Variants in CHST9 observed in about 807,000 individuals in gnomAD.
CHST9 encodes carbohydrate sulfotransferase 9, also known as GalNAc-4-sulfotransferase 2.
In CHST9, 41 loss-of-function variants were observed where a neutral mutation model predicts 44.4. The observed-to-expected ratio is 0.92, with a 90% CI of 0.72 to 1.20. The LOEUF (loss-of-function observed/expected upper bound fraction) is 1.20, where lower values mean the gene tolerates loss of function less well. Ranked by LOEUF, CHST9 falls within the 50% of genes most tolerant of loss-of-function variation. CHST9 has a pLI of 0.00. For synonymous variants in CHST9, 171 were observed against 178.4 expected, an observed-to-expected ratio of 0.96 and a Z score of 0.33; for missense variants, 504 against 516.5, an observed-to-expected ratio of 0.98 and a Z score of 0.23.
chr18:27,155,003 GC>G (rs1466072989), intron 1 of CHST9, among the ~76,000 whole-genome samples: 1 of 150,990 alleles, frequency 6.6e-6, no homozygotes. Context: ...AATCCCTTGA[GC>G]CTGGGAGGTG....
chr18:26,990,862 C>T (rs2056808207), intron 4 of CHST9, among the ~76,000 whole-genome samples: 1 of 152,144 alleles, frequency 6.6e-6, no homozygotes. Context: ...TTTATTCTTC[C>T]CTTCCCTTCC....
chr18:27,174,735 C>G lies in CHST9; in HGVS notation c.-97+10401G>C, dbSNP rs150518496. Among the ~76,000 whole-genome samples, 118 of 152,150 alleles carry G rather than the reference C, an allele frequency of 7.8e-4. No homozygotes were observed. In the East Asian group the frequency reaches 0.017, roughly 22 times the overall value. On this transcript the variant is annotated intron_variant, in intron 1 of 5. Transcript: ENST00000618847. ...CAGCCTTTCCTTCTCTCCACCCAAT[C>G]TGTGCATTCACACACTCTGGGTTCA...
At chr18:26,927,168 G>T (rs1272301118) in intron 5 of CHST9, among the ~76,000 whole-genome samples, 3 of 152,160 alleles carry the variant, frequency 2.0e-5, no homozygotes, top group Admixed American at 2.0e-4. Context: ...CTGGAATGTG[G>T]TGAAGAGGAA....
At chr18:27,159,568 C>A (rs1169803594) in intron 1 of CHST9, among the ~76,000 whole-genome samples, 2 of 152,116 alleles carry the variant, frequency 1.3e-5, no homozygotes. Context: ...GTTCTTTTGG[C>A]TTAGGATTGA....
intron 1 of CHST9, among the ~76,000 whole-genome samples, chr18:27,157,941 T>A (rs1201761860): frequency 1.3e-5 from 2 of 152,080 alleles, no homozygotes; most frequent in Non-Finnish European, 2.9e-5. Flanking sequence ...TGAAGAGAAT[T>A]TCCAGTAAAA....
intron 4 of CHST9, among the ~76,000 whole-genome samples, chr18:26,965,284 C>T (rs1186429684): frequency 2.0e-5 from 3 of 152,166 alleles, no homozygotes. Context: ...GTAGCAAGTA[C>T]TTGTGCTGGT....
chr18:26,962,289 T>C (rs530644752), intron 4 of CHST9, among the ~76,000 whole-genome samples: 33 of 122,212 alleles, frequency 2.7e-4, no homozygotes, highest in African/African-American at 9.7e-4. Context: ...CAAATTATAG[T>C]CTCCTTTTTT....
At chr18:26,962,293 CTTT>C (rs71171604) in intron 4 of CHST9, among the ~76,000 whole-genome samples, 6 of 140,704 alleles carry the variant, frequency 4.3e-5, no homozygotes, top group Admixed American at 7.1e-5. Context: ...TTATAGTCTC[CTTT>C]TTTTTTTTTT....
At chr18:27,052,260 ATATATGTG>A (rs2057575917) in intron 2 of CHST9, among the ~76,000 whole-genome samples, 3 of 130,532 alleles carry the variant, frequency 2.3e-5, no homozygotes, top group Non-Finnish European at 5.5e-5. Context: ...GTGTGTATAT[ATATATGTG>A]TATATATATG....
At chr18:27,100,199 C>G (rs1197348804) in intron 2 of CHST9, among the ~76,000 whole-genome samples, 1 of 152,006 alleles carries the variant, frequency 6.6e-6, no homozygotes, top group Non-Finnish European at 1.5e-5. Context: ...TAAGCAGGAG[C>G]TAAACAATGA....
chr18:26,988,061 C>CA (rs529570905), intron 4 of CHST9, among the ~76,000 whole-genome samples: 147 of 150,378 alleles, frequency 9.8e-4, no homozygotes, highest in African/African-American at 3.3e-3. Context: ...AAAGAATGAC[C>CA]AAAAAAAATA....
chr18:27,115,152 G>A (rs1384212198), intron 2 of CHST9, among the ~76,000 whole-genome samples: 2 of 152,116 alleles, frequency 1.3e-5, no homozygotes, highest in African/African-American at 2.4e-5. Flanking sequence ...TAGTAATGTG[G>A]AACTGTGAGT....
chr18:27,143,981 AAAAC>A (rs1301333331), intron 1 of CHST9, among the ~76,000 whole-genome samples: 8 of 152,154 alleles, frequency 5.3e-5, no homozygotes, highest in Non-Finnish European at 7.3e-5. Context: ...AAAAATAGAA[AAAAC>A]AAACAAACAA....
intron 1 of CHST9, among the ~76,000 whole-genome samples, chr18:27,155,251 G>A (rs1357441830): frequency 6.6e-6 from 1 of 152,158 alleles, no homozygotes; most frequent in East Asian, 1.9e-4. Context: ...ATATTAAGAT[G>A]TTAGTATCTT....
intron 4 of CHST9, among the ~76,000 whole-genome samples, chr18:26,967,532 T>C (rs1568113278): frequency 6.6e-6 from 1 of 152,250 alleles, no homozygotes; most frequent in Non-Finnish European, 1.5e-5. Context: ...TGTGGGCAGA[T>C]AACTATTGTA....
intron 3 of CHST9, among the ~76,000 whole-genome samples, chr18:27,027,063 G>A (rs999432274): frequency 6.6e-6 from 1 of 152,164 alleles, no homozygotes; most frequent in South Asian, 2.1e-4. Flanking sequence ...CCTGAGGGTT[G>A]GAGAGCTTCA....
At chr18:27,068,789 C>A (rs774258566) in intron 2 of CHST9, among the ~76,000 whole-genome samples, 1 of 152,160 alleles carries the variant, frequency 6.6e-6, no homozygotes. Flanking sequence ...TTCTTCCAGG[C>A]CCCTTTCACA....
intron 2 of CHST9, among the ~76,000 whole-genome samples, chr18:27,083,149 G>A (rs896757384): frequency 1.3e-5 from 2 of 152,118 alleles, no homozygotes; most frequent in Non-Finnish European, 2.9e-5. Context: ...AGATATACAG[G>A]TAAATACGCA....
At chr18:26,948,230 C>A (rs2056193773) in intron 4 of CHST9, among the ~76,000 whole-genome samples, 1 of 152,130 alleles carries the variant, frequency 6.6e-6, no homozygotes, top group African/African-American at 2.4e-5. Flanking sequence ...GGGAACATCA[C>A]ACACTGAGGC....
Sources: gnomAD v4.1 joint callset for allele counts (sites outside exome capture counted in the v4.1 genomes callset) on GRCh38, gnomAD v4.1.1 for gene constraint, MANE v1.5 for transcripts, NCBI Gene and HGNC (gene_info 2026-07-23, HGNC 2026-07-21) for gene names.